Variants in ATP2B2 observed in about 807,000 individuals in gnomAD.
ATP2B2 encodes ATPase plasma membrane Ca2+ transporting 2.
A neutral mutation model predicts 120.0 loss-of-function variants in ATP2B2; 15 were observed. The observed-to-expected ratio is 0.12, with a 90% confidence interval of 0.08 to 0.19. The LOEUF (loss-of-function observed/expected upper bound fraction) is 0.19, where lower values mean the gene tolerates loss of function less well. Ranked by LOEUF, ATP2B2 falls within the 10% of genes least tolerant of loss-of-function variation. The pLI is 1.00. For missense variants in ATP2B2, 1,045 were observed against 1,719.8 expected, an observed-to-expected ratio of 0.61 and a Z score of 6.94; for synonymous variants, 694 against 700.3, an observed-to-expected ratio of 0.99 and a Z score of 0.14.
At chr3:10,524,011 T>A (rs754070559) in intron 3 of ATP2B2, among the ~76,000 whole-genome samples, 2 of 152,242 alleles carry the variant, frequency 1.3e-5, no homozygotes, top group Non-Finnish European at 2.9e-5. Context: ...GGATTGTGCA[T>A]AAGAATCCAG....
intron 2 of ATP2B2, among the ~76,000 whole-genome samples, chr3:10,593,390 T>C (rs918528618): frequency 9.2e-5 from 14 of 152,182 alleles, no homozygotes; most frequent in Non-Finnish European, 1.6e-4. Flanking sequence ...CCAGAGTCCA[T>C]GCTCTCATTA....
At chr3:10,685,383 G>C (rs2125707712) in intron 1 of ATP2B2, among the ~76,000 whole-genome samples, 1 of 152,330 alleles carries the variant, frequency 6.6e-6, no homozygotes, top group African/African-American at 2.4e-5. Context: ...TGGGTTTTGT[G>C]GAAGTGACTC....
intron 3 of ATP2B2, among the ~76,000 whole-genome samples, chr3:10,519,165 T>A (rs951962043): frequency 6.6e-6 from 1 of 152,218 alleles, no homozygotes; most frequent in African/African-American, 2.4e-5. Context: ...AACACCTAGC[T>A]GGGATTCAAA....
In ATP2B2 at chr3:10,553,500, C is replaced by T. The variant is rs375820204; in HGVS notation, c.-414-19367G>A. Among the ~76,000 whole-genome samples, 25 of 152,322 alleles carry T rather than the reference C, an allele frequency of 1.6e-4. No individual in the cohort carries two copies. In the South Asian group the frequency reaches 2.5e-3, roughly 15 times the overall value. Reference sequence around the variant, plus strand: ...ATGTTCCAACTCTTGAGAATGAAAACGCCTCTTTTAATAGTCTTGATAAAA... The same window carrying T: ...ATGTTCCAACTCTTGAGAATGAAAATGCCTCTTTTAATAGTCTTGATAAAA... On this transcript the variant is annotated intron_variant, in intron 2 of 21. Transcript: ENST00000646379.
intron 1 of ATP2B2, among the ~76,000 whole-genome samples, chr3:10,695,757 T>A (rs555049367): frequency 6.6e-6 from 1 of 152,288 alleles, no homozygotes; most frequent in South Asian, 2.1e-4. Flanking sequence ...GACCTGTAGA[T>A]TTTTCAGCAA....
chr3:10,678,496 C>T (rs577237498), intron 1 of ATP2B2, among the ~76,000 whole-genome samples: 1 of 152,328 alleles, frequency 6.6e-6, no homozygotes, highest in East Asian at 1.9e-4. Context: ...GACCAAGATG[C>T]TGGCCCTGGC....
intron 8 of ATP2B2, among the ~76,000 whole-genome samples, chr3:10,379,628 C>T (rs1031295915): frequency 6.6e-6 from 1 of 152,174 alleles, no homozygotes; most frequent in Non-Finnish European, 1.5e-5. Flanking sequence ...AGCAGAGAAG[C>T]ACTCAGGCCC....
At chr3:10,650,269 A>G (rs1409193432) in intron 1 of ATP2B2, among the ~76,000 whole-genome samples, 3 of 152,236 alleles carry the variant, frequency 2.0e-5, no homozygotes, top group Admixed American at 6.5e-5. Flanking sequence ...AACTGGAGAA[A>G]GGTGACTCTT....
chr3:10,685,515 A>T (rs200982289), intron 1 of ATP2B2, among the ~76,000 whole-genome samples: 162 of 150,950 alleles, frequency 1.1e-3, no homozygotes, highest in East Asian at 5.3e-3. Flanking sequence ...AGAGAGAGAG[A>T]GTGTGTGTAT....
intron 14 of ATP2B2, among the ~76,000 whole-genome samples, chr3:10,357,507 T>C (rs2060770768): frequency 6.6e-6 from 1 of 152,192 alleles, no homozygotes; most frequent in South Asian, 2.1e-4. Context: ...GGTCATCTTG[T>C]CTATCCCTTT....
intron 1 of ATP2B2, among the ~76,000 whole-genome samples, chr3:10,689,531 T>A (rs1026057890): frequency 6.6e-6 from 1 of 151,476 alleles, no homozygotes; most frequent in Non-Finnish European, 1.5e-5. Context: ...ATACCAACAT[T>A]AAAAAAAATA....
intron 12 of ATP2B2, among the ~76,000 whole-genome samples, chr3:10,370,836 C>A (rs2061218443): frequency 6.6e-6 from 1 of 152,170 alleles, no homozygotes; most frequent in Admixed American, 6.5e-5. Context: ...CGTTCTACAT[C>A]TGGGAGCTGA....
At chr3:10,701,450 G>A (rs2071816134) in intron 1 of ATP2B2, among the ~76,000 whole-genome samples, 1 of 152,174 alleles carries the variant, frequency 6.6e-6, no homozygotes, top group Non-Finnish European at 1.5e-5. Flanking sequence ...GAGAAACACT[G>A]AACAGCAATC....
At chr3:10,578,307 T>A (rs1287939521) in intron 2 of ATP2B2, among the ~76,000 whole-genome samples, 1 of 151,920 alleles carries the variant, frequency 6.6e-6, no homozygotes, top group Non-Finnish European at 1.5e-5. Context: ...GCAATCCCAC[T>A]CCACATAAGA....
intron 1 of ATP2B2, among the ~76,000 whole-genome samples, chr3:10,459,687 C>T (rs760330246): frequency 4.6e-5 from 7 of 152,246 alleles, no homozygotes; most frequent in South Asian, 2.1e-4. Flanking sequence ...CAAGAAGAGG[C>T]TTGGAAGAAG....
chr3:10,396,906 C>A (rs758121716), intron 5 of ATP2B2, among the ~76,000 whole-genome samples: 1 of 152,044 alleles, frequency 6.6e-6, no homozygotes, highest in South Asian at 2.1e-4. Flanking sequence ...GGATTGGAAC[C>A]CAGTCTGTTT....
intron 2 of ATP2B2, among the ~76,000 whole-genome samples, chr3:10,592,325 A>G (rs1246469532): frequency 6.6e-6 from 1 of 152,258 alleles, no homozygotes. Flanking sequence ...GTTTGAAATT[A>G]TGTATAATTA....
intron 2 of ATP2B2, among the ~76,000 whole-genome samples, chr3:10,568,063 G>A (rs2068046988): frequency 6.6e-6 from 1 of 152,220 alleles, no homozygotes; most frequent in Non-Finnish European, 1.5e-5. Context: ...TTTGTGGCTG[G>A]AGCAGGCTCT....
At position 10,375,455 on chromosome 3, in the gene ATP2B2, G is replaced by A; in HGVS notation, c.1391C>T (p.Thr464Ile). The A allele has an allele frequency of 6.2e-7, 1 of 1,612,924 alleles. No individual in the cohort carries two copies. The highest frequency in any genetic ancestry group is 8.5e-7 in the Non-Finnish European group (1 of 1,179,972). The change falls in exon 11 of 23, where the codon ACC becomes ATC. Residue 464 changes from threonine to isoleucine, a missense_variant. By Grantham distance (89) the Thr-to-Ile change is moderately conservative (BLOSUM62 -1). This residue lies in a region of ATP2B2 where 343 missense variants were observed against 536.8 expected (regional missense o/e 0.64). Coordinates refer to ENST00000360273, the MANE Select transcript of ATP2B2 (RefSeq NM_001001331.4). This position sits in a 1 kb window ranked among gnomAD's most constrained non-coding sequence, Gnocchi z 4.2. ...AVPEGLPLAVTISLAYSVKKM... is the reference protein window; with the variant it reads ...AVPEGLPLAVIISLAYSVKKM... ...CTTCACCGAATAGGCCAACGAGATG[G>A]TGACGGCCAGAGGGAGCCCCTCGGG...
Sources: gnomAD v4.1 joint callset for allele counts (sites outside exome capture counted in the v4.1 genomes callset) on GRCh38, gnomAD v4.1.1 for gene constraint, gnomAD v4.1.1 regional missense constraint, Gnocchi (gnomAD v3.1) non-coding constraint, MANE v1.5 for transcripts, NCBI Gene and HGNC (gene_info 2026-07-23, HGNC 2026-07-21) for gene names.